Variants in LAMA4 observed in about 807,000 individuals in gnomAD.
The protein encoded by LAMA4 is laminin subunit alpha 4.
In LAMA4, 127 loss-of-function variants were observed where a neutral mutation model predicts 207.1. The observed-to-expected ratio is 0.61, with a 90% confidence interval of 0.53 to 0.71. The LOEUF (loss-of-function observed/expected upper bound fraction) is 0.71. Among genes scored for constraint, LAMA4 ranks in the 30% least tolerant of loss-of-function variants. The pLI, the probability that LAMA4 is intolerant of heterozygous loss-of-function variation, is 0.00. For missense variants in LAMA4, 2,093 were observed against 2,246.5 expected (o/e 0.93, Z 1.38); for synonymous variants, 761 against 816.0 (o/e 0.93, Z 1.15).
Position 112,254,513 on chromosome 6 carries a change from C to T in LAMA4, c.-196G>A. The T allele has an allele frequency of 2.7e-6, 1 of 365,386 alleles. No individual in the cohort carries two copies. The highest frequency in any genetic ancestry group is 2.4e-5 in the South Asian group (1 of 42,480). 22.6% of individuals were successfully genotyped at this position (365,386 alleles called of 1,614,324 possible). On this transcript the variant is annotated 5_prime_UTR_variant, in exon 1 of 39. It adds an upstream start codon to the 5' untranslated region. Coordinates refer to ENST00000230538, the MANE Select transcript of LAMA4 (RefSeq NM_001105206.3). The stretch of plus-strand genomic sequence containing the variant: ...GGTGAGCCCCGCCAGCGCTAGGCCA[C>T]CTCCTCTCCCTGGCCGTTCGGGACT...
Position 112,133,572 on chromosome 6 carries a change from A to G in LAMA4, c.3558-85T>C, listed in dbSNP as rs1779168778. On this transcript the variant is annotated intron_variant, in intron 26 of 38. Coordinates refer to ENST00000230538, the MANE Select transcript of LAMA4 (RefSeq NM_001105206.3). ...TAGGCTATGGAATTTGCATTTATTT[A>G]TAGTCATTTGTAATGGCTTTATAAT... The G allele has an allele frequency of 3.4e-6, 5 of 1,487,608 alleles. No individual in the cohort carries two copies. The African/African-American group carries it at 6.9e-5, about 21-fold the overall frequency. 92.2% of individuals were successfully genotyped at this position (1,487,608 alleles called of 1,614,324 possible).
chr6:112,154,666 TC>T (rs1780597091), intron 16 of LAMA4, 184 bp downstream of exon 16: 3 of 611,728 alleles, frequency 4.9e-6, no homozygotes, highest in Non-Finnish European at 8.7e-6. Context: ...ATTTTTTTTT[TC>T]AATCACAATT....
chr6:112,146,723 C>A (rs531515709), intron 18 of LAMA4, among the ~76,000 whole-genome samples: 1 of 152,128 alleles, frequency 6.6e-6, no homozygotes, highest in Non-Finnish European at 1.5e-5. Context: ...AGGAAACATC[C>A]CTTCTCTGTA....
At chr6:112,147,333 T>C (rs1358293030) in intron 18 of LAMA4, among the ~76,000 whole-genome samples, 1 of 152,184 alleles carries the variant, frequency 6.6e-6, no homozygotes, top group East Asian at 1.9e-4. Context: ...AAAGAGCTAT[T>C]TTACTGTTAT....
At chr6:112,150,785 G>C (rs1246180845) in intron 16 of LAMA4, among the ~76,000 whole-genome samples, 158 bp from the exon 17 acceptor site, 1 of 152,194 alleles carries the variant, frequency 6.6e-6, no homozygotes, top group Non-Finnish European at 1.5e-5. Flanking sequence ...CTGGAAAGTA[G>C]CATTTAAAAT....
chr6:112,141,320 T>C, intron 21 of LAMA4, 38 bp downstream of exon 21: 1 of 1,597,520 alleles, frequency 6.3e-7, no homozygotes, highest in Non-Finnish European at 8.6e-7. Context: ...TTTCTTGTGA[T>C]ATGTGCATAT....
chr6:112,208,065 G>T (rs1583893589), intron 3 of LAMA4, among the ~76,000 whole-genome samples: 1 of 152,286 alleles, frequency 6.6e-6, no homozygotes, highest in East Asian at 1.9e-4. Context: ...TCTTCTATGG[G>T]ACTATACTAG....
intron 22 of LAMA4, 37 bp from the exon 23 acceptor site, chr6:112,139,922 G>A (rs1439742929): frequency 2.5e-6 from 4 of 1,608,300 alleles, no homozygotes; most frequent in Non-Finnish European, 3.4e-6. Flanking sequence ...TTGTCTCATG[G>A]TCATATTTTA....
chr6:112,238,971 C>A (rs1336381960), intron 2 of LAMA4, among the ~76,000 whole-genome samples: 1 of 152,060 alleles, frequency 6.6e-6, no homozygotes, highest in Non-Finnish European at 1.5e-5. Context: ...AACCTAACCC[C>A]TAATGTGACT....
intron 18 of LAMA4, among the ~76,000 whole-genome samples, chr6:112,145,576 T>C (rs1036597176): frequency 6.6e-6 from 1 of 152,162 alleles, no homozygotes; most frequent in Non-Finnish European, 1.5e-5. Context: ...AGAGAGCTTC[T>C]GATGAGAGAG....
intron 3 of LAMA4, among the ~76,000 whole-genome samples, chr6:112,210,690 AT>A (rs1554356215): frequency 1.3e-5 from 2 of 152,104 alleles, no homozygotes; most frequent in African/African-American, 4.8e-5. Flanking sequence ...TTGCATTCTC[AT>A]TTTCTCATAT....
intron 2 of LAMA4, among the ~76,000 whole-genome samples, chr6:112,248,915 T>C (rs1208272959): frequency 1.3e-5 from 2 of 152,216 alleles, no homozygotes; most frequent in African/African-American, 4.8e-5. Context: ...AATGAACTCA[T>C]CTGTAAAATG....
rs1583920975 is a variant in LAMA4, at chr6:112,217,855, GATTGCAGTA to G, written c.196-1395_196-1387del. 4.6e-5 allele frequency: 7 copies of G among 152,312 alleles called. No individual in the cohort carries two copies. The East Asian group carries it at 1.4e-3, about 29-fold the overall frequency. 9.4% of individuals were successfully genotyped at this position (152,312 alleles called of 1,614,324 possible). On this transcript the variant is annotated intron_variant, in intron 2 of 38. Transcript: ENST00000230538. ...GAAAACAAGAGAGGGAAGACACTAA[GATTGCAGTA>G]GGAAGCATTTAATTTAGACCATTTA...
Position 112,140,861 on chromosome 6 carries a change from T to C in LAMA4, c.2875A>G (p.Lys959Glu). The change falls in exon 22 of 39, where the codon AAG becomes GAG. Residue 959 changes from lysine (K) to glutamate (E), a missense_variant. By Grantham distance (56) the Lys-to-Glu change is moderately conservative. Coordinates refer to ENST00000230538, the MANE Select transcript of LAMA4 (RefSeq NM_001105206.3). ...VPSLSSTAEE[K>E]FIKKGEFSGD... The stretch of plus-strand genomic sequence containing the variant: ...GAAAATTCCCCCTTTTTAATGAACT[T>C]TTCCTCTGCTGTGCTACTTAGACTC... 1 of 1,613,986 alleles carries C rather than the reference T, an allele frequency of 6.2e-7. No homozygotes were observed. The highest frequency in any genetic ancestry group is 8.5e-7 in the Non-Finnish European group (1 of 1,179,904).
At chr6:112,200,099 A>G (rs976582227) in intron 5 of LAMA4, 3 of 532,946 alleles carry the variant, frequency 5.6e-6, no homozygotes, top group Non-Finnish European at 7.7e-6. Flanking sequence ...CACTGCGAGC[A>G]GCTGGCAGGT....
At chr6:112,214,897 C>A (rs1482166769) in intron 3 of LAMA4, among the ~76,000 whole-genome samples, 1 of 152,228 alleles carries the variant, frequency 6.6e-6, no homozygotes, top group African/African-American at 2.4e-5. Flanking sequence ...TTAGTCATTT[C>A]TTTCAATAGA....
chr6:112,153,305 G>T (rs59008060), intron 16 of LAMA4, among the ~76,000 whole-genome samples: 1 of 152,084 alleles, frequency 6.6e-6, no homozygotes, highest in Non-Finnish European at 1.5e-5. Context: ...ACAAATGTGT[G>T]TATTATCAAA....
intron 3 of LAMA4, chr6:112,214,211 C>T: frequency 2.5e-6 from 1 of 399,368 alleles, no homozygotes; most frequent in Non-Finnish European, 4.4e-6. Context: ...CCTTCACTTA[C>T]ATTTAATTAA....
At chr6:112,177,240 G>C (rs1323101182) in intron 10 of LAMA4, among the ~76,000 whole-genome samples, 3 of 152,196 alleles carry the variant, frequency 2.0e-5, no homozygotes, top group African/African-American at 7.2e-5. Context: ...AAGGAAACAT[G>C]ACAAATGATT....
Sources: allele counts gnomAD v4.1 joint callset (sites outside exome capture counted in the v4.1 genomes callset), GRCh38; gene constraint gnomAD v4.1.1; transcripts MANE v1.5; gene names NCBI Gene and HGNC (gene_info 2026-07-23, HGNC 2026-07-21).